The following NELL1 variants were observed in gnomAD, a reference collection of about 807,000 sequenced individuals.
NELL1 encodes the protein protein kinase C-binding protein NELL1.
A neutral mutation model predicts 107.4 loss-of-function variants in NELL1; 76 were observed. The ratio of observed to expected loss-of-function variants is 0.71; its 90% confidence interval spans 0.59 to 0.86. The LOEUF (loss-of-function observed/expected upper bound fraction) is 0.86. NELL1 is among the 40% of genes least tolerant of loss of function. NELL1 has a pLI of 0.00. For missense variants in NELL1, 1,024 were observed against 1,005.5 expected, an observed-to-expected ratio of 1.02 and a Z score of -0.25; for synonymous variants, 353 against 341.2, an observed-to-expected ratio of 1.03 and a Z score of -0.38.
intron 4 of NELL1, among the ~76,000 whole-genome samples, chr11:20,861,941 C>T (rs1178135757): frequency 6.6e-6 from 1 of 152,146 alleles, no homozygotes; most frequent in Non-Finnish European, 1.5e-5. Context: ...GCATTTAGAT[C>T]AAATAGGACA....
At chr11:20,903,130 G>T (rs1027619106) in intron 5 of NELL1, among the ~76,000 whole-genome samples, 1 of 151,876 alleles carries the variant, frequency 6.6e-6, no homozygotes, top group African/African-American at 2.4e-5. Flanking sequence ...CTTTTTCAGG[G>T]TGATAATCCA....
intron 2 of NELL1, among the ~76,000 whole-genome samples, chr11:20,755,547 T>TTATTTTA (rs1368273376): frequency 1.3e-4 from 5 of 38,028 alleles, no homozygotes; most frequent in Non-Finnish European, 5.6e-5. Context: ...TTTGTTTTTT[T>TTATTTTA]TTGTTTTTGT....
chr11:20,671,299 A>AGC (rs943490255), intron 1 of NELL1: 1 of 152,204 alleles, frequency 6.6e-6, no homozygotes, highest in African/African-American at 2.4e-5. Context: ...ACTAGTGCAG[A>AGC]GCGTGGGCTA....
intron 14 of NELL1, among the ~76,000 whole-genome samples, chr11:21,280,259 G>A (rs916598318): frequency 6.6e-6 from 1 of 152,166 alleles, no homozygotes; most frequent in Non-Finnish European, 1.5e-5. Flanking sequence ...ATAAAAAATG[G>A]AGAATGGCAG....
intron 12 of NELL1, among the ~76,000 whole-genome samples, chr11:21,006,929 C>T (rs2134281102): frequency 6.6e-6 from 1 of 152,176 alleles, no homozygotes; most frequent in African/African-American, 2.4e-5. Context: ...CCTTAGAATG[C>T]AAAGCACAAA....
chr11:20,989,164 T>C (rs1348990716), intron 12 of NELL1, among the ~76,000 whole-genome samples: 2 of 152,198 alleles, frequency 1.3e-5, no homozygotes, highest in African/African-American at 4.8e-5. Flanking sequence ...ATGCTCTTTC[T>C]TCACTGTTTT....
chr11:21,194,525 AGAT>A (rs1280746237), intron 13 of NELL1, among the ~76,000 whole-genome samples: 1 of 152,114 alleles, frequency 6.6e-6, no homozygotes, highest in Non-Finnish European at 1.5e-5. Flanking sequence ...AAAATTCCCC[AGAT>A]GATTTAATAT....
chr11:21,435,521 G>C (rs1340806833), intron 15 of NELL1, among the ~76,000 whole-genome samples: 1 of 147,828 alleles, frequency 6.8e-6, no homozygotes, highest in Admixed American at 6.8e-5. Context: ...TTACCATGAA[G>C]AGATGTTAGC....
chr11:20,937,629 C>T lies in NELL1; in HGVS notation c.998-157C>T, dbSNP rs561471316. Among the ~76,000 whole-genome samples, 18 of 152,304 alleles carry T rather than the reference C, an allele frequency of 1.2e-4. No individual in the cohort carries two copies. In the South Asian group the frequency reaches 3.7e-3, roughly 32 times the overall value. On this transcript the variant is annotated intron_variant, in intron 9 of 19. Coordinates refer to ENST00000357134, the MANE Select transcript of NELL1 (RefSeq NM_006157.5). ...TCTGCCTGGGAGATTTAAGGGTTAT[C>T]CTCCACACAATTCCTTTCACTTTAG...
intron 7 of NELL1, 151 bp downstream of exon 7, chr11:20,919,485 C>A: frequency 1.8e-6 from 1 of 545,798 alleles, no homozygotes; most frequent in Non-Finnish European, 3.3e-6. Flanking sequence ...AATAGGACTA[C>A]CAATAGTAAA....
At chr11:21,315,514 C>T (rs1212715111) in intron 14 of NELL1, among the ~76,000 whole-genome samples, 1 of 152,182 alleles carries the variant, frequency 6.6e-6, no homozygotes, top group East Asian at 1.9e-4. Context: ...CTCTCAGTCA[C>T]TCTGCTTAAG....
intron 14 of NELL1, among the ~76,000 whole-genome samples, chr11:21,366,080 G>A (rs1351368929): frequency 6.6e-6 from 1 of 152,030 alleles, no homozygotes; most frequent in Non-Finnish European, 1.5e-5. Context: ...AGGGGCGTTT[G>A]ATAAATATGC....
At chr11:21,513,893 T>A (rs1312747649) in intron 15 of NELL1, among the ~76,000 whole-genome samples, 4 of 152,178 alleles carry the variant, frequency 2.6e-5, no homozygotes, top group African/African-American at 9.7e-5. Flanking sequence ...TGAGCCCCCC[T>A]GGTGAGTATG....
chr11:21,065,164 C>T (rs1853838312), intron 12 of NELL1, among the ~76,000 whole-genome samples: 1 of 151,782 alleles, frequency 6.6e-6, no homozygotes, highest in East Asian at 1.9e-4. Context: ...GCTCATAAGC[C>T]TAATGGATTA....
intron 4 of NELL1, among the ~76,000 whole-genome samples, chr11:20,861,820 C>G: frequency 6.6e-6 from 1 of 152,192 alleles, no homozygotes; most frequent in East Asian, 1.9e-4. Flanking sequence ...AAGTCTGGCT[C>G]TGCCACTAGA....
intron 13 of NELL1, among the ~76,000 whole-genome samples, chr11:21,156,921 C>T (rs868331320): frequency 8.5e-5 from 12 of 141,742 alleles, no homozygotes; most frequent in Admixed American, 7.0e-4. Flanking sequence ...GGTGGAACCC[C>T]GCCTCTACTA....
chr11:20,959,788 A>G (rs145785731), intron 11 of NELL1, among the ~76,000 whole-genome samples: 165 of 152,284 alleles, frequency 1.1e-3, no homozygotes, highest in African/African-American at 3.8e-3. Context: ...ACAAGACACC[A>G]CCTGTTCCCC....
chr11:21,388,562 T>A (rs1851797775), intron 15 of NELL1, among the ~76,000 whole-genome samples: 1 of 151,790 alleles, frequency 6.6e-6, no homozygotes, highest in Admixed American at 6.6e-5. Context: ...GTCAAGTAAG[T>A]TTAATTCCCG....
At chr11:21,107,786 G>A (rs1855006028) in intron 12 of NELL1, among the ~76,000 whole-genome samples, 2 of 152,142 alleles carry the variant, frequency 1.3e-5, no homozygotes, top group Admixed American at 1.3e-4. Flanking sequence ...TGGCTAAAGG[G>A]TTTCTGGTCC....
Sources: allele counts gnomAD v4.1 joint callset (sites outside exome capture counted in the v4.1 genomes callset), GRCh38; gene constraint gnomAD v4.1.1; transcripts MANE v1.5; gene names NCBI Gene and HGNC (gene_info 2026-07-23, HGNC 2026-07-21).